Variants in STK10 observed in about 807,000 individuals in gnomAD.
STK10 encodes serine/threonine-protein kinase 10.
STK10 carries 78 observed loss-of-function variants against 113.8 expected under a neutral mutation model. That is an observed-to-expected ratio of 0.69 (90% CI 0.57 to 0.83). The LOEUF (loss-of-function observed/expected upper bound fraction) is 0.83, where lower values mean the gene tolerates loss of function less well. STK10 is among the 40% of genes least tolerant of loss of function. STK10 has a pLI of 0.00. For missense variants in STK10, 1,109 were observed against 1,280.1 expected, an observed-to-expected ratio of 0.87 and a Z score of 2.04; for synonymous variants, 465 against 494.7, an observed-to-expected ratio of 0.94 and a Z score of 0.80.
At chr5:172,119,536 C>T (rs1276356872) in intron 3 of STK10, among the ~76,000 whole-genome samples, 4 of 152,046 alleles carry the variant, frequency 2.6e-5, no homozygotes, top group African/African-American at 7.2e-5. Context: ...GGCCACATAG[C>T]GAGACCCAGC....
Position 172,082,015 on chromosome 5 carries a change from A to G in STK10, c.1989+311T>C, listed in dbSNP as rs1768441499. On this transcript the variant is annotated intron_variant, in intron 12 of 18. Transcript: ENST00000176763. The surrounding 1 kb of genome is among the most constrained non-coding windows in gnomAD (Gnocchi z 4.3). ...ACAGCATCTCAAATTCCCCCGGACC[A>G]CCAGCCCTTCCTTCTTCCCCGCTCT... is the stretch of plus-strand genomic sequence containing the variant. Among the ~76,000 whole-genome samples the G allele has an allele frequency of 1.3e-5, 2 of 152,068 alleles. No individual in the cohort carries two copies. Among genetic ancestry groups the G allele is most frequent in the Non-Finnish European group, 2.9e-5 (2 of 68,002 alleles).
intron 12 of STK10, among the ~76,000 whole-genome samples, chr5:172,081,445 C>T (rs115260617): frequency 0.022 from 3,351 of 151,764 alleles, 127 homozygotes; most frequent in African/African-American, 0.077. Context: ...CATCTGTGTA[C>T]AGCATGGTTT....
At chr5:172,085,766 AG>A (rs1260221815) in intron 10 of STK10, among the ~76,000 whole-genome samples, 4 of 152,060 alleles carry the variant, frequency 2.6e-5, no homozygotes, top group African/African-American at 9.7e-5. Flanking sequence ...AAACTACTAC[AG>A]AAAGAACCTA....
chr5:172,106,735 TGCCCA>T lies in STK10; in HGVS notation c.668_672del (p.Leu223HisfsTer5). On this transcript the variant is annotated frameshift_variant, in exon 6 of 19. Transcript: ENST00000176763. LOFTEE classifies it high-confidence loss of function. ...ATCTGGGCCATCTCAATCAGCGTGA[TGCCCA>T]GGGACCAGATGTCGGCTTTGTAGTC... is the stretch of plus-strand genomic sequence containing the variant. 2 of 1,614,196 alleles carry T rather than the reference TGCCCA, an allele frequency of 1.2e-6. No individual in the cohort carries two copies. Among genetic ancestry groups the T allele is most frequent in the Non-Finnish European group, 1.7e-6 (2 of 1,180,032 alleles).
At chr5:172,123,842 C>CA (rs1447446951) in intron 3 of STK10, among the ~76,000 whole-genome samples, 4 of 152,044 alleles carry the variant, frequency 2.6e-5, no homozygotes, top group African/African-American at 7.3e-5. Context: ...AAGATGCATG[C>CA]AGAAAACCAG....
chr5:172,174,264 C>T (rs1770715606), intron 1 of STK10, among the ~76,000 whole-genome samples: 2 of 152,090 alleles, frequency 1.3e-5, no homozygotes, highest in African/African-American at 4.8e-5. Context: ...CTCCGCCTTT[C>T]GGGTTCAAGC....
Position 172,137,724 on chromosome 5 carries a change from CAA to C in STK10, c.322-10305_322-10304del, listed in dbSNP as rs34773105. ...TGAAATCCCATCTTTACTAAAAATA[CAA>C]AAAAAAAAAAAAAAAAATTAGCCGG... On this transcript the variant is annotated intron_variant, in intron 2 of 18. Transcript: ENST00000176763. Among the ~76,000 whole-genome samples, 161 of 90,992 alleles carry C rather than the reference CAA, an allele frequency of 1.8e-3. 1 individual carries two copies. The highest frequency in any genetic ancestry group is 4.2e-3 in the African/African-American group (108 of 25,616). 59.7% of individuals were successfully genotyped at this position (90,992 alleles called of 152,430 possible).
chr5:172,117,671 G>A (rs763655925), intron 3 of STK10, 41 bp from the exon 4 acceptor site: 3 of 1,608,254 alleles, frequency 1.9e-6, no homozygotes, highest in Non-Finnish European at 1.7e-6. Context: ...AGTAAGCCCT[G>A]GACACAGGAA....
intron 10 of STK10, 115 bp downstream of exon 10, chr5:172,090,114 CCTT>C (rs1316955841): frequency 4.8e-5 from 69 of 1,451,852 alleles, no homozygotes; most frequent in Non-Finnish European, 6.1e-5. Flanking sequence ...CCTTTTGCCT[CCTT>C]GATTCCCCCA....
At position 172,187,389 on chromosome 5, in the gene STK10, C is replaced by T. The variant is rs377251708; in HGVS notation, c.156+498G>A. ...CCCCTCGCCCACCCCACTTCCCTGTCTCTGGCTCATCTTCAGATGTGTCCC... is the reference window on the plus strand; with the variant it reads ...CCCCTCGCCCACCCCACTTCCCTGTTTCTGGCTCATCTTCAGATGTGTCCC... On this transcript the variant is annotated intron_variant, in intron 1 of 18. Coordinates refer to ENST00000176763, the MANE Select transcript of STK10 (RefSeq NM_005990.4). This position sits in a 1 kb window ranked among gnomAD's most constrained non-coding sequence, Gnocchi z 4.6. Among the ~76,000 whole-genome samples, 1 of 152,214 alleles carries T rather than the reference C, an allele frequency of 6.6e-6. No individual in the cohort carries two copies. Among genetic ancestry groups the T allele is most frequent in the African/African-American group, 2.4e-5 (1 of 41,520 alleles).
intron 7 of STK10, among the ~76,000 whole-genome samples, chr5:172,102,816 T>C (rs1769019538): frequency 6.6e-6 from 1 of 151,896 alleles, no homozygotes; most frequent in African/African-American, 2.4e-5. Context: ...ATGTTAAAAA[T>C]GTTACATACA....
chr5:172,079,393 T>C (rs1238975417), intron 12 of STK10, among the ~76,000 whole-genome samples: 1 of 152,134 alleles, frequency 6.6e-6, no homozygotes, highest in Non-Finnish European at 1.5e-5. Flanking sequence ...CCCAGACCCA[T>C]CTAAAGCAGA....
chr5:172,117,676 C>A, intron 3 of STK10, 46 bp from the exon 4 acceptor site: 2 of 1,605,350 alleles, frequency 1.2e-6, no homozygotes, highest in Non-Finnish European at 1.7e-6. Flanking sequence ...GCCCTGGACA[C>A]AGGAAACTGA....
At chr5:172,151,324 C>T (rs1249963868) in intron 2 of STK10, among the ~76,000 whole-genome samples, 9 of 151,506 alleles carry the variant, frequency 5.9e-5, no homozygotes, top group Non-Finnish European at 1.2e-4. Context: ...CCGACCTTTG[C>T]GTTTTTCTTT....
chr5:172,075,985 C>CTTCA (rs112234858), intron 12 of STK10, among the ~76,000 whole-genome samples: 32,002 of 152,000 alleles, frequency 0.21, 4,366 homozygotes, highest in African/African-American at 0.38. Flanking sequence ...AGCAGCTATT[C>CTTCA]TTGTCTCTTC....
chr5:172,059,434 C>CAAAAAAA (rs58446505), intron 14 of STK10, among the ~76,000 whole-genome samples: 1 of 57,010 alleles, frequency 1.8e-5, no homozygotes. Flanking sequence ...CTCTCCATCT[C>CAAAAAAA]AAAAAAAAAA....
chr5:172,156,564 C>A (rs1200496417), intron 2 of STK10, 60 bp downstream of exon 2: 1 of 1,560,880 alleles, frequency 6.4e-7, no homozygotes, highest in Non-Finnish European at 8.7e-7. Flanking sequence ...CAGGACCAGG[C>A]TAGCTCCAGA....
Position 172,180,457 on chromosome 5 carries a change from T to A in STK10, c.156+7430A>T, listed in dbSNP as rs565759619. ...TCCAGCCTGGGCGACAGAGCAAGAC[T>A]TCGTCTCAAAAAAGAAAGTCTAGCC... is the stretch of plus-strand genomic sequence containing the variant. On this transcript the variant is annotated intron_variant, in intron 1 of 18. Coordinates refer to ENST00000176763, the MANE Select transcript of STK10 (RefSeq NM_005990.4). Among the ~76,000 whole-genome samples, 10 of 151,146 alleles carry A rather than the reference T, an allele frequency of 6.6e-5. No individual in the cohort carries two copies. The East Asian group carries it at 1.6e-3, about 24-fold the overall frequency.
intron 8 of STK10, among the ~76,000 whole-genome samples, chr5:172,095,468 A>G (rs996280161): frequency 3.3e-5 from 5 of 152,120 alleles, no homozygotes; most frequent in East Asian, 1.9e-4. Context: ...CCTGCCATCT[A>G]TCGGCTCAGC....
Sources: gnomAD v4.1 joint callset for allele counts (sites outside exome capture counted in the v4.1 genomes callset) on GRCh38, gnomAD v4.1.1 for gene constraint, Gnocchi (gnomAD v3.1) non-coding constraint, MANE v1.5 for transcripts, NCBI Gene and HGNC (gene_info 2026-07-23, HGNC 2026-07-21) for gene names.